Variants in SNPH observed in about 807,000 individuals in gnomAD.
The protein encoded by SNPH is syntaphilin.
SNPH carries 10 observed loss-of-function variants against 36.8 expected under a neutral mutation model. That is an observed-to-expected ratio of 0.27 (90% CI 0.17 to 0.46). The LOEUF (loss-of-function observed/expected upper bound fraction) is 0.46, where lower values mean the gene tolerates loss of function less well. Ranked by LOEUF, SNPH falls within the 20% of genes least tolerant of loss-of-function variation. The pLI is 1.00. For missense variants in SNPH, 622 were observed against 744.0 expected, an observed-to-expected ratio of 0.84 and a Z score of 1.91; for synonymous variants, 281 against 312.2, an observed-to-expected ratio of 0.90 and a Z score of 1.05.
chr20:1,274,427 C>G (rs79276805), intron 2 of SNPH, among the ~76,000 whole-genome samples: 12,233 of 151,860 alleles, frequency 0.081, 561 homozygotes, highest in Admixed American at 0.12. Context: ...CATCTCTGGG[C>G]TGCTCACATA....
intron 2 of SNPH, among the ~76,000 whole-genome samples, chr20:1,277,797 GC>G (rs2088159575): frequency 1.5e-5 from 2 of 135,002 alleles, no homozygotes; most frequent in Non-Finnish European, 1.7e-5. Context: ...GTGTATGTGT[GC>G]CTGTGTGTGT....
At chr20:1,271,209 C>T (rs1232933110) in intron 2 of SNPH, among the ~76,000 whole-genome samples, 1 of 152,222 alleles carries the variant, frequency 6.6e-6, no homozygotes, top group African/African-American at 2.4e-5. Flanking sequence ...CCAGCTCTGC[C>T]GTTGACCCAC....
At position 1,294,763 on chromosome 20, in the gene SNPH, T is replaced by C. The variant is rs1008862063; in HGVS notation, c.-492-188T>C. ...ACCAGGCTCCGGGGAGGCCCTGACATGGGAAGGGGGTGGTCCCCGGGCCAG... is the reference window on the plus strand; with the variant it reads ...ACCAGGCTCCGGGGAGGCCCTGACACGGGAAGGGGGTGGTCCCCGGGCCAG... On this transcript the variant is annotated intron_variant, in intron 2 of 6. Transcript: ENST00000381867. This position sits in a 1 kb window ranked among gnomAD's most constrained non-coding sequence, Gnocchi z 4.4. Among the ~76,000 whole-genome samples the C allele has an allele frequency of 6.6e-6, 1 of 152,068 alleles. No individual in the cohort carries two copies. The highest frequency in any genetic ancestry group is 1.5e-5 in the Non-Finnish European group (1 of 67,982).
In SNPH at chr20:1,304,852, C is replaced by CGT; in HGVS notation, c.441-17_441-16dup. The CGT allele has an allele frequency of 6.3e-7, 1 of 1,598,980 alleles. No homozygotes were observed. The highest frequency in any genetic ancestry group is 8.5e-7 in the Non-Finnish European group (1 of 1,170,564). Reference sequence around the variant, plus strand: ...ACAGACCAGGCAGGCAGGCAGTGAGCGTGTGTGTGTCTCCTCGGCTCGCAG... The same window carrying CGT: ...ACAGACCAGGCAGGCAGGCAGTGAGCGTGTGTGTGTGTCTCCTCGGCTCGCAG... On this transcript the variant is annotated intron_variant, in intron 6 of 6. Coordinates refer to ENST00000381867, the MANE Select transcript of SNPH (RefSeq NM_001318234.2). The surrounding 1 kb of genome is among the most constrained non-coding windows in gnomAD (Gnocchi z 4.3).
In SNPH at chr20:1,266,657, G is replaced by T. The variant is rs555060810; in HGVS notation, c.-596G>T. On this transcript the variant is annotated 5_prime_UTR_variant, in exon 2 of 7. Transcript: ENST00000381867. The surrounding 1 kb of genome is among the most constrained non-coding windows in gnomAD (Gnocchi z 6.0). The stretch of plus-strand genomic sequence containing the variant: ...TCTCTTTTTCCTAACCCCGCAGGTC[G>T]CTGATCAGGGCCAGGCGGCTGCAGC... 6.0e-6 allele frequency: 9 copies of T among 1,488,618 alleles called. No homozygotes were observed. The South Asian group carries it at 1.0e-4, about 17-fold the overall frequency. 92.2% of individuals were successfully genotyped at this position (1,488,618 alleles called of 1,614,324 possible).
chr20:1,305,071 G>A lies in SNPH; in HGVS notation c.634G>A (p.Val212Met), dbSNP rs747128780. The part of the protein sequence containing the change: ...DKDKGLQKYF[V>M]DINIQNKKLE... ...GGACAAGGGGCTGCAGAAGTACTTC[G>A]TGGACATCAACATCCAGAACAAGAA... is the stretch of plus-strand genomic sequence containing the variant. Residue 212 changes from valine to methionine, a missense_variant, in exon 7 of 7, where the codon GTG becomes ATG. Physicochemically the swap from Val to Met is conservative, Grantham distance 21. Around this residue, in one of 3 missense-constraint regions of SNPH, gnomAD observed 56 missense variants for 106.6 expected, o/e 0.53. Transcript: ENST00000381867. 9 of 1,614,072 alleles carry A rather than the reference G, an allele frequency of 5.6e-6. No homozygotes were observed. Among genetic ancestry groups the A allele is most frequent in the Admixed American group, 3.3e-5 (2 of 60,028 alleles).
chr20:1,279,530 G>A (rs1222954247), intron 2 of SNPH, among the ~76,000 whole-genome samples: 1 of 152,084 alleles, frequency 6.6e-6, no homozygotes, highest in Non-Finnish European at 1.5e-5. Flanking sequence ...TTGCCCCAGA[G>A]GGCCTCGTGG....
At chr20:1,280,507 C>A (rs749017832) in intron 2 of SNPH, among the ~76,000 whole-genome samples, 3 of 152,194 alleles carry the variant, frequency 2.0e-5, no homozygotes, top group Non-Finnish European at 4.4e-5. Context: ...ATGAGGCTGA[C>A]AAGGCAGAGG....
intron 2 of SNPH, among the ~76,000 whole-genome samples, chr20:1,269,666 CTG>C (rs1298046536): frequency 2.0e-5 from 3 of 152,188 alleles, no homozygotes; most frequent in Non-Finnish European, 4.4e-5. Context: ...TGGTTGAAAA[CTG>C]TGTGAACCAG....
chr20:1,269,195 C>T (rs1041191001), intron 2 of SNPH, among the ~76,000 whole-genome samples: 13 of 152,176 alleles, frequency 8.5e-5, no homozygotes, highest in African/African-American at 2.4e-4. Flanking sequence ...CCAGTCAGGC[C>T]TCCCCTCAAG....
chr20:1,303,442 G>A (rs2088527880), intron 6 of SNPH, among the ~76,000 whole-genome samples: 1 of 152,202 alleles, frequency 6.6e-6, no homozygotes, highest in Non-Finnish European at 1.5e-5. Flanking sequence ...TTTCTCCCAG[G>A]GTGAGGTGTG....
chr20:1,279,247 T>A (rs2088187170), intron 2 of SNPH, among the ~76,000 whole-genome samples: 1 of 152,248 alleles, frequency 6.6e-6, no homozygotes, highest in South Asian at 2.1e-4. Flanking sequence ...GTCTTTTAAA[T>A]CTTAGCCACT....
At chr20:1,290,818 A>G (rs1330249256) in intron 2 of SNPH, among the ~76,000 whole-genome samples, 5 of 152,236 alleles carry the variant, frequency 3.3e-5, no homozygotes, top group Non-Finnish European at 7.3e-5. Context: ...CCAGCAATAC[A>G]TGAGAGTTCC....
Position 1,275,319 on chromosome 20 carries a change from C to G in SNPH, c.-493+8559C>G, listed in dbSNP as rs947387676. 3.9e-5 allele frequency among the ~76,000 whole-genome samples: 6 copies of G among 152,168 alleles called. No individual in the cohort carries two copies. In the East Asian group the frequency reaches 1.2e-3, roughly 29 times the overall value. On this transcript the variant is annotated intron_variant, in intron 2 of 6. Coordinates refer to ENST00000381867, the MANE Select transcript of SNPH (RefSeq NM_001318234.2). ...TGTTGTGGTCCCCTGTGGGAAAGAGCCTGGTATATAGCAGATGTCCCCACG... is the reference window on the plus strand; with the variant it reads ...TGTTGTGGTCCCCTGTGGGAAAGAGGCTGGTATATAGCAGATGTCCCCACG...
At position 1,266,822 on chromosome 20, in the gene SNPH, G is replaced by A; in HGVS notation, c.-493+62G>A. The A allele has an allele frequency of 7.7e-7, 1 of 1,303,090 alleles. No individual in the cohort carries two copies. The allele number at this position is 1,303,090 out of a possible 1,614,324, so 80.7% of individuals were successfully genotyped here. On this transcript the variant is annotated intron_variant, in intron 2 of 6. Coordinates refer to ENST00000381867, the MANE Select transcript of SNPH (RefSeq NM_001318234.2). The surrounding 1 kb of genome is among the most constrained non-coding windows in gnomAD (Gnocchi z 6.0). Reference sequence around the variant, plus strand: ...CGCTGCACCGCGGCAGGTGGGGGCCGCTTGCAACCGCTCGCTGCGGTAGAA... The same window carrying A: ...CGCTGCACCGCGGCAGGTGGGGGCCACTTGCAACCGCTCGCTGCGGTAGAA...
intron 2 of SNPH, among the ~76,000 whole-genome samples, chr20:1,288,619 C>CTTTTTTTTTTTTTT (rs201764007): frequency 7.1e-6 from 1 of 140,784 alleles, no homozygotes. Flanking sequence ...ATTTCTTTTT[C>CTTTTTTTTTTTTTT]TTTTTTTCTT....
chr20:1,277,543 CTGTG>C (rs1305258568), intron 2 of SNPH, among the ~76,000 whole-genome samples: 4,936 of 81,014 alleles, frequency 0.061, 265 homozygotes, highest in African/African-American at 0.2. Context: ...GCATGTGTGT[CTGTG>C]TGTGTATCTG....
At chr20:1,300,284 G>T (rs1256432278) in intron 5 of SNPH, among the ~76,000 whole-genome samples, 2 of 152,170 alleles carry the variant, frequency 1.3e-5, no homozygotes, top group Non-Finnish European at 2.9e-5. Flanking sequence ...CCTGGTTCCA[G>T]GTTTACACAT....
chr20:1,305,994 C>G lies in SNPH; in HGVS notation c.1557C>G (p.Ile519Met), dbSNP rs1178281342. 1 of 1,536,236 alleles carries G rather than the reference C, an allele frequency of 6.5e-7. No homozygotes were observed. Residue 519 changes from isoleucine (I) to methionine (M), a missense_variant, in exon 7 of 7, where the codon ATC becomes ATG. This residue lies in a region of SNPH where 379 missense variants were observed against 427.9 expected (regional missense o/e 0.89). Transcript: ENST00000381867. The stretch of plus-strand genomic sequence containing the variant: ...TGGCCTTGCACTCCATCCGCAGGAT[C>G]AGCTGCCGCTCGCTGAGCCAGCCGA... ...CTVALHSIRR[I>M]SCRSLSQPSP...
Sources: gnomAD v4.1 joint callset for allele counts (sites outside exome capture counted in the v4.1 genomes callset) on GRCh38, gnomAD v4.1.1 for gene constraint, gnomAD v4.1.1 regional missense constraint, Gnocchi (gnomAD v3.1) non-coding constraint, MANE v1.5 for transcripts, NCBI Gene and HGNC (gene_info 2026-07-23, HGNC 2026-07-21) for gene names.